The following PDE1A variants were observed in gnomAD, a reference collection of about 807,000 sequenced individuals.
The protein encoded by PDE1A is dual specificity calcium/calmodulin-dependent 3',5'-cyclic nucleotide phosphodiesterase 1A.
PDE1A carries 35 observed loss-of-function variants against 61.7 expected under a neutral mutation model. The ratio of observed to expected loss-of-function variants is 0.57; its 90% confidence interval spans 0.43 to 0.75. PDE1A has a LOEUF of 0.75. Ranked by LOEUF, PDE1A falls within the 30% of genes least tolerant of loss-of-function variation. The pLI, the probability that PDE1A is intolerant of heterozygous loss-of-function variation, is 0.00. For missense variants in PDE1A, 597 were observed against 630.6 expected (o/e 0.95, Z 0.57); for synonymous variants, 232 against 213.2 (o/e 1.09, Z -0.77).
chr2:182,709,806 C>G, the PDE1A span, among the ~76,000 whole-genome samples: 1 of 152,250 alleles, frequency 6.6e-6, no homozygotes, highest in Non-Finnish European at 1.5e-5. Context: ...TGTCAATTAT[C>G]TGAAGTAGAG....
intron 2 of PDE1A, among the ~76,000 whole-genome samples, chr2:182,461,302 AT>A (rs1418894972): frequency 2.0e-5 from 3 of 152,180 alleles, no homozygotes; most frequent in African/African-American, 7.2e-5. Flanking sequence ...ATTAAAAAAA[AT>A]TTGAATACTG....
chr2:182,527,189 G>A (rs1018891138), upstream of PDE1A, among the ~76,000 whole-genome samples: 1 of 148,632 alleles, frequency 6.7e-6, no homozygotes, highest in African/African-American at 2.5e-5. Context: ...TGAAGAGGCT[G>A]GGAGCCATGA....
intron 2 of PDE1A, among the ~76,000 whole-genome samples, chr2:182,481,838 C>T (rs1173778773): frequency 6.6e-6 from 1 of 151,860 alleles, no homozygotes; most frequent in East Asian, 1.9e-4. Context: ...ATGAGAAAGT[C>T]CCATACTAAT....
At chr2:182,315,277 A>G (rs1040984671) in intron 1 of PDE1A, among the ~76,000 whole-genome samples, 18 of 152,062 alleles carry the variant, frequency 1.2e-4, no homozygotes, top group Admixed American at 5.9e-4. Context: ...CTTTGAGCAT[A>G]TTTTTCAAGC....
intron 2 of PDE1A, among the ~76,000 whole-genome samples, chr2:182,507,638 G>C (rs1029625463): frequency 6.6e-6 from 1 of 152,052 alleles, no homozygotes; most frequent in Admixed American, 6.5e-5. Context: ...ATGGATACAG[G>C]AAATCATGAA....
At chr2:182,480,746 G>A (rs772733091) in intron 2 of PDE1A, among the ~76,000 whole-genome samples, 11 of 151,842 alleles carry the variant, frequency 7.2e-5, no homozygotes, top group Admixed American at 1.3e-4. Context: ...AATCCCCCAC[G>A]ATAATGAGGG....
At chr2:182,557,522 G>T in the PDE1A span, among the ~76,000 whole-genome samples, 82 of 152,062 alleles carry the variant, frequency 5.4e-4, no homozygotes, top group African/African-American at 1.9e-3. Flanking sequence ...GACCAGCCTG[G>T]GGAACATGAT....
intron 10 of PDE1A, among the ~76,000 whole-genome samples, chr2:182,200,928 G>A (rs1686569717): frequency 6.6e-6 from 1 of 152,192 alleles, no homozygotes; most frequent in Non-Finnish European, 1.5e-5. Flanking sequence ...TGTACTTGTG[G>A]CAGAGAACGC....
chr2:182,685,189 C>T, the PDE1A span, among the ~76,000 whole-genome samples: 1 of 151,648 alleles, frequency 6.6e-6, no homozygotes, highest in Non-Finnish European at 1.5e-5. Flanking sequence ...CCTTGACTAT[C>T]AAAAGAGAAA....
intron 2 of PDE1A, among the ~76,000 whole-genome samples, chr2:182,520,121 A>G (rs1412233506): frequency 2.0e-5 from 3 of 151,922 alleles, no homozygotes; most frequent in Non-Finnish European, 2.9e-5. Flanking sequence ...ATTGCATTTT[A>G]AATAGACAAG....
At chr2:182,365,936 C>A (rs775212125) in intron 1 of PDE1A, among the ~76,000 whole-genome samples, 186 of 152,130 alleles carry the variant, frequency 1.2e-3, no homozygotes, top group Non-Finnish European at 2.2e-3. Flanking sequence ...AGGTACCACA[C>A]CCCTCCGAGG....
the PDE1A span, among the ~76,000 whole-genome samples, chr2:182,646,405 A>AG: frequency 6.6e-6 from 1 of 151,428 alleles, no homozygotes; most frequent in East Asian, 1.9e-4. Flanking sequence ...AAAAAAAAAA[A>AG]AAAGCCATAC....
chr2:182,225,220 A>G (rs571729182), intron 6 of PDE1A, among the ~76,000 whole-genome samples: 13 of 151,964 alleles, frequency 8.6e-5, no homozygotes, highest in Non-Finnish European at 1.3e-4. Context: ...CTGTATTAAA[A>G]TAGAATTGTC....
intron 2 of PDE1A, among the ~76,000 whole-genome samples, chr2:182,449,104 C>T (rs900801605): frequency 6.8e-6 from 1 of 146,862 alleles, no homozygotes; most frequent in African/African-American, 2.5e-5. Flanking sequence ...CCCAGGAAAT[C>T]CTTCTAAATC....
chr2:182,182,891 G>A (rs1684888133), intron 13 of PDE1A, among the ~76,000 whole-genome samples: 1 of 152,022 alleles, frequency 6.6e-6, no homozygotes, highest in Non-Finnish European at 1.5e-5. Context: ...TTCCTTACCA[G>A]TTTACTATAT....
In PDE1A at chr2:182,249,798, C is replaced by A. The variant is rs183107119; in HGVS notation, c.168-9506G>T. The stretch of plus-strand genomic sequence containing the variant: ...AGGTAACACCAATCCTTCACTCAGG[C>A]TTCAGAACTGTTTGAGGATCGATAT... On this transcript the variant is annotated intron_variant, in intron 2 of 13. Transcript: ENST00000351439. Among the ~76,000 whole-genome samples, 31 of 149,966 alleles carry A rather than the reference C, an allele frequency of 2.1e-4. 1 individual carries two copies. Among genetic ancestry groups the A allele is most frequent in the Admixed American group, 1.9e-3 (28 of 14,940 alleles).
At chr2:182,690,619 C>T in the PDE1A span, among the ~76,000 whole-genome samples, 2 of 152,306 alleles carry the variant, frequency 1.3e-5, no homozygotes, top group African/African-American at 4.8e-5. Context: ...AAAACTGGCA[C>T]AAGACAGGGA....
At chr2:182,361,643 G>T (rs2125171066) in intron 1 of PDE1A, among the ~76,000 whole-genome samples, 1 of 152,162 alleles carries the variant, frequency 6.6e-6, no homozygotes, top group Admixed American at 6.6e-5. Context: ...TGAGGAAATT[G>T]ATAGTAAATC....
intron 1 of PDE1A, among the ~76,000 whole-genome samples, chr2:182,295,232 G>A (rs1322431879): frequency 3.3e-5 from 5 of 151,176 alleles, no homozygotes; most frequent in Admixed American, 6.6e-5. Flanking sequence ...CCACCACCGC[G>A]CCCGGCTAAT....
Sources: allele counts gnomAD v4.1 joint callset (sites outside exome capture counted in the v4.1 genomes callset), GRCh38; gene constraint gnomAD v4.1.1; transcripts MANE v1.5; gene names NCBI Gene and HGNC (gene_info 2026-07-23, HGNC 2026-07-21).